Variants in PRKCB observed in about 807,000 individuals in gnomAD.
The protein encoded by PRKCB is protein kinase C beta type.
In PRKCB, 13 loss-of-function variants were observed where a neutral mutation model predicts 81.5. The ratio of observed to expected loss-of-function variants is 0.16; its 90% confidence interval spans 0.10 to 0.25. PRKCB has a LOEUF of 0.25. Ranked by LOEUF, PRKCB falls within the 10% of genes least tolerant of loss-of-function variation. The pLI is 1.00. For missense variants in PRKCB, 509 were observed against 875.7 expected (o/e 0.58, Z 5.29); for synonymous variants, 335 against 321.4 (o/e 1.04, Z -0.45).
chr16:23,920,913 G>A (rs1205504057), intron 2 of PRKCB, among the ~76,000 whole-genome samples: 1 of 152,174 alleles, frequency 6.6e-6, no homozygotes, highest in Non-Finnish European at 1.5e-5. Context: ...GAGGTTTAAT[G>A]GACTCACAGT....
At chr16:23,855,155 G>A (rs1387868108) in intron 2 of PRKCB, among the ~76,000 whole-genome samples, 1 of 152,096 alleles carries the variant, frequency 6.6e-6, no homozygotes, top group Non-Finnish European at 1.5e-5. Flanking sequence ...CGGCGGGGGA[G>A]GGGGTGGCAG....
intron 2 of PRKCB, among the ~76,000 whole-genome samples, chr16:23,928,061 G>A (rs1963920475): frequency 6.6e-6 from 1 of 151,970 alleles, no homozygotes; most frequent in Admixed American, 6.6e-5. Context: ...TACTGGCTTT[G>A]GAAATACTCT....
chr16:24,027,195 C>T (rs534500878), intron 3 of PRKCB, among the ~76,000 whole-genome samples: 1 of 152,130 alleles, frequency 6.6e-6, no homozygotes, highest in Middle Eastern at 3.4e-3. Context: ...CTCCCTGTGT[C>T]GATGTGTTCT....
At chr16:24,066,937 A>ACT (rs1966042613) in intron 5 of PRKCB, among the ~76,000 whole-genome samples, 1 of 151,814 alleles carries the variant, frequency 6.6e-6, no homozygotes, top group Non-Finnish European at 1.5e-5. Context: ...GCAGCCTTGA[A>ACT]CTCCTGGCCT....
intron 5 of PRKCB, among the ~76,000 whole-genome samples, chr16:24,057,645 C>T (rs1298899759): frequency 6.6e-6 from 1 of 152,064 alleles, no homozygotes; most frequent in Non-Finnish European, 1.5e-5. Context: ...GAGTAGGAAG[C>T]ACATGCTGTG....
At position 24,128,004 on chromosome 16, in the gene PRKCB, A is replaced by C. The variant is rs116808495; in HGVS notation, c.1065+4023A>C. Among the ~76,000 whole-genome samples, 605 of 151,480 alleles carry C rather than the reference A, an allele frequency of 4.0e-3. 2 individuals carry two copies. The highest frequency in any genetic ancestry group is 0.014 in the African/African-American group (586 of 41,318). On this transcript the variant is annotated intron_variant, in intron 9 of 16. Coordinates refer to ENST00000643927, the MANE Select transcript of PRKCB (RefSeq NM_002738.7). ...TTTGCTCTTCCCCTTCGAAAGATGA[A>C]AGTGATGGGGCTTTGGGGTAATCTG...
intron 2 of PRKCB, among the ~76,000 whole-genome samples, chr16:23,942,753 A>G (rs189874): frequency 0.99 from 150,851 of 152,274 alleles, 74,723 homozygotes; most frequent in Middle Eastern, 1. Context: ...CTTATGCTTG[A>G]CTAGCTCCCT....
chr16:24,128,246 G>A (rs559677874), intron 9 of PRKCB, among the ~76,000 whole-genome samples: 2 of 152,246 alleles, frequency 1.3e-5, no homozygotes, highest in South Asian at 4.1e-4. Flanking sequence ...ATGGTGGCAG[G>A]CGCCTGTATT....
chr16:23,864,051 C>T (rs1056890269), intron 2 of PRKCB, among the ~76,000 whole-genome samples: 30 of 152,236 alleles, frequency 2.0e-4, no homozygotes, highest in African/African-American at 6.7e-4. Context: ...AAGGATCTCC[C>T]TTGTTCCTTT....
At chr16:23,994,852 G>T (rs987918621) in intron 3 of PRKCB, among the ~76,000 whole-genome samples, 1 of 152,190 alleles carries the variant, frequency 6.6e-6, no homozygotes, top group African/African-American at 2.4e-5. Context: ...TACTTCAGGG[G>T]TATATCAACT....
At chr16:23,979,838 T>C (rs1174752093) in intron 2 of PRKCB, among the ~76,000 whole-genome samples, 3 of 152,174 alleles carry the variant, frequency 2.0e-5, no homozygotes, top group Non-Finnish European at 4.4e-5. Context: ...CCTGTTAATA[T>C]AACGAGGACC....
At chr16:24,094,995 G>T (rs1022802298) in intron 7 of PRKCB, among the ~76,000 whole-genome samples, 1 of 152,140 alleles carries the variant, frequency 6.6e-6, no homozygotes, top group African/African-American at 2.4e-5. Flanking sequence ...AAAATCTGGG[G>T]CTAGAAGGCA....
chr16:23,837,079 T>G, intron 1 of PRKCB: 1 of 488,114 alleles, frequency 2.0e-6, no homozygotes, highest in African/African-American at 2.0e-5. Context: ...GCTCGGGGCA[T>G]CTATGGGTAC....
chr16:24,186,929 G>A (rs2141976931), intron 15 of PRKCB, among the ~76,000 whole-genome samples: 1 of 152,302 alleles, frequency 6.6e-6, no homozygotes, highest in Non-Finnish European at 1.5e-5. Flanking sequence ...TTCTTTGAGG[G>A]TGTGAGGCAG....
intron 2 of PRKCB, among the ~76,000 whole-genome samples, chr16:23,976,753 G>T (rs557443482): frequency 2.0e-5 from 3 of 152,238 alleles, no homozygotes; most frequent in African/African-American, 7.2e-5. Flanking sequence ...CATCTTTGGG[G>T]GCCTGATCAA....
chr16:23,869,976 C>G (rs56405227), intron 2 of PRKCB, among the ~76,000 whole-genome samples: 43,361 of 150,868 alleles, frequency 0.29, 6,574 homozygotes, highest in South Asian at 0.53. Flanking sequence ...GAGCCGAGAT[C>G]GCGCCATTGC....
chr16:24,074,304 C>T (rs1183194120), intron 5 of PRKCB, among the ~76,000 whole-genome samples: 1 of 152,138 alleles, frequency 6.6e-6, no homozygotes, highest in African/African-American at 2.4e-5. Context: ...AAGAGTGCAG[C>T]CTTGGGAGGA....
intron 16 of PRKCB, among the ~76,000 whole-genome samples, chr16:24,205,265 C>A (rs1357025391): frequency 6.6e-6 from 1 of 151,108 alleles, no homozygotes; most frequent in South Asian, 2.1e-4. Flanking sequence ...ATTCCCCGTG[C>A]CTCAGCCTCT....
At chr16:23,897,078 GTTGATCACAAATAATACAA>G (rs1963392711) in intron 2 of PRKCB, among the ~76,000 whole-genome samples, 1 of 152,172 alleles carries the variant, frequency 6.6e-6, no homozygotes, top group Non-Finnish European at 1.5e-5. Flanking sequence ...TGTGCCAGGT[GTTGATCACAAATAATACAA>G]GCACCTCCTG....
Sources: gnomAD v4.1 joint callset for allele counts (sites outside exome capture counted in the v4.1 genomes callset) on GRCh38, gnomAD v4.1.1 for gene constraint, MANE v1.5 for transcripts, NCBI Gene and HGNC (gene_info 2026-07-23, HGNC 2026-07-21) for gene names.